Variants in STAR observed in about 807,000 individuals in gnomAD.
STAR encodes the protein steroidogenic acute regulatory protein, mitochondrial.
Under a neutral mutation model 32.3 loss-of-function variants are expected in STAR, and 32 were observed. The ratio of observed to expected loss-of-function variants is 0.99; its 90% CI spans 0.75 to 1.33. The LOEUF is 1.33. STAR is among the 40% of genes most tolerant of loss of function. STAR has a pLI of 0.00. For synonymous variants in STAR, 134 were observed against 140.5 expected (o/e 0.95, Z 0.33); for missense variants, 375 against 379.0 (o/e 0.99, Z 0.09).
At position 38,144,265 on chromosome 8, in the gene STAR, G is replaced by T; in HGVS notation, c.*8C>A. 6.2e-7 allele frequency: 1 copy of T among 1,604,654 alleles called. No individual in the cohort carries two copies. On this transcript the variant is annotated 3_prime_UTR_variant, in exon 7 of 7. Coordinates refer to ENST00000276449, the MANE Select transcript of STAR (RefSeq NM_000349.3). ...AGCTGGGCACAGTTGGGAACAGCAG[G>T]CTGGTCTTCAACACCTGGCTTCAGA...
At chr8:38,145,173 T>A in intron 6 of STAR, 49 bp downstream of exon 6, 2 of 1,613,328 alleles carry the variant, frequency 1.2e-6, no homozygotes, top group Non-Finnish European at 1.7e-6. Flanking sequence ...GAAGAGCCTG[T>A]TTTTCTCACT....
Position 38,148,659 on chromosome 8 carries a change from G to T in STAR, c.160C>A (p.Arg54=). ...TPSTWINQVR[R]RSSLLGSRLE... Reference sequence around the variant, plus strand: ...CACTTACCGAGTAGAGAGCTCCGCCGCCGAACCTGGTTAATCCACGTGCTA... The same window carrying T: ...CACTTACCGAGTAGAGAGCTCCGCCTCCGAACCTGGTTAATCCACGTGCTA... Residue 54 remains arginine (R), a synonymous_variant, in exon 2 of 7, where the codon CGG becomes AGG. Transcript: ENST00000276449. The T allele has an allele frequency of 6.2e-7, 1 of 1,614,058 alleles. No homozygotes were observed. The highest frequency in any genetic ancestry group is 8.5e-7 in the Non-Finnish European group (1 of 1,180,016).
intron 2 of STAR, 78 bp from the exon 3 acceptor site, chr8:38,148,405 T>C (rs1046404021): frequency 6.3e-6 from 10 of 1,596,502 alleles, no homozygotes; most frequent in Non-Finnish European, 8.5e-6. Flanking sequence ...GAGCTCTGGG[T>C]CTGCTCATTG....
Position 38,146,385 on chromosome 8 carries a change from C to A in STAR, c.369G>T (p.Glu123Asp). ...VPDVGKVFRL[E>D]VVVDQPMERL... ...TCTCCATGGGCTGGTCCACCACGAC[C>A]TCCAGCCGGAACACCTTGCCCACAT... The change falls in exon 4 of 7, where the codon GAG (glutamate) becomes GAT (aspartate). Residue 123 changes from glutamate to aspartate, a missense_variant. Transcript: ENST00000276449. 1.2e-6 allele frequency: 2 copies of A among 1,614,172 alleles called. No homozygotes were observed. The highest frequency in any genetic ancestry group is 1.7e-6 in the Non-Finnish European group (2 of 1,180,048).
chr8:38,149,578 G>A (rs1241414040), intron 1 of STAR, among the ~76,000 whole-genome samples: 1 of 152,044 alleles, frequency 6.6e-6, no homozygotes, highest in Non-Finnish European at 1.5e-5. Context: ...TTGCCTGTGG[G>A]AGTCAAGTCT....
At position 38,150,858 on chromosome 8, in the gene STAR, C is replaced by T. The variant is rs1802657247; in HGVS notation, c.-40G>A. 17 of 1,599,952 alleles carry T rather than the reference C, an allele frequency of 1.1e-5. No individual in the cohort carries two copies. Among genetic ancestry groups the T allele is most frequent in the Non-Finnish European group, 1.4e-5 (17 of 1,179,680 alleles). On this transcript the variant is annotated 5_prime_UTR_variant, in exon 1 of 7. Transcript: ENST00000276449. Reference sequence around the variant, plus strand: ...TGTGGCAGTGGTGGGGTCGCTGCCGCTGCTGCTGCCGCCGCTGCTGCTGCC... The same window carrying T: ...TGTGGCAGTGGTGGGGTCGCTGCCGTTGCTGCTGCCGCCGCTGCTGCTGCC...
chr8:38,144,719 C>T (rs1802531910), intron 6 of STAR: 2 of 1,063,868 alleles, frequency 1.9e-6, no homozygotes, highest in South Asian at 1.7e-5. Flanking sequence ...TTGAACTTTG[C>T]TGTGAGACAG....
intron 6 of STAR, 37 bp from the exon 7 acceptor site, chr8:38,144,423 G>T: frequency 6.4e-7 from 1 of 1,557,856 alleles, no homozygotes; most frequent in South Asian, 1.2e-5. Context: ...CCATCTTGTG[G>T]GTTTTGGCCC....
At chr8:38,145,032 A>C in intron 6 of STAR, 190 bp downstream of exon 6, 1 of 1,407,282 alleles carries the variant, frequency 7.1e-7, no homozygotes, top group Non-Finnish European at 9.2e-7. Flanking sequence ...AAAAAAAAGA[A>C]GAGGGGGCCA....
intron 1 of STAR, 111 bp downstream of exon 1, chr8:38,150,644 T>G: frequency 6.5e-7 from 1 of 1,543,182 alleles, no homozygotes; most frequent in Non-Finnish European, 8.8e-7. Flanking sequence ...GGGAAGAAAC[T>G]TGCCCAGGTT....
chr8:38,148,134 AC>A, intron 3 of STAR, 65 bp downstream of exon 3: 1 of 1,608,812 alleles, frequency 6.2e-7, no homozygotes, highest in Non-Finnish European at 8.5e-7. Flanking sequence ...AAAAATAGTA[AC>A]CCCAGCTGGC....
At chr8:38,146,995 GTTT>G (rs1291374295) in intron 3 of STAR, among the ~76,000 whole-genome samples, 1 of 142,486 alleles carries the variant, frequency 7.0e-6, no homozygotes, top group African/African-American at 2.6e-5. Context: ...TTTTTTTCTT[GTTT>G]TTTTTTTTTG....
Position 38,144,207 on chromosome 8 carries a change from A to G in STAR, c.*66T>C, listed in dbSNP as rs765510994. 6.1e-6 allele frequency: 9 copies of G among 1,487,272 alleles called. No homozygotes were observed. In the South Asian group the frequency reaches 8.5e-5, roughly 14 times the overall value. 92.1% of individuals were successfully genotyped at this position (1,487,272 alleles called of 1,614,324 possible). A position where few individuals can be genotyped will look rare whatever the true frequency, so the allele number is the denominator to read the frequency against. Reference sequence around the variant, plus strand: ...GATCTTAGACTTGCAGGCTTCCAGTAGGGATTCTCCTGATGAGCGTGTGTA... The same window carrying G: ...GATCTTAGACTTGCAGGCTTCCAGTGGGGATTCTCCTGATGAGCGTGTGTA... On this transcript the variant is annotated 3_prime_UTR_variant, in exon 7 of 7. Transcript: ENST00000276449.
rs759275266 is a variant in STAR, at chr8:38,150,767, G to A, written c.52C>T (p.Arg18Cys). The change falls in exon 1 of 7, where the codon CGC becomes TGC. Residue 18 changes from arginine to cysteine, a missense_variant. Transcript: ENST00000276449. ...CCGCAGCGCTCACCCTTCATGTTGCGCATGTGTCTGTAGGAGCTCCCAGCG... is the reference window on the plus strand; with the variant it reads ...CCGCAGCGCTCACCCTTCATGTTGCACATGTGTCTGTAGGAGCTCCCAGCG... ...LCAGSSYRHM[R>C]NMKGLRQQAV... 1.9e-6 allele frequency: 3 copies of A among 1,607,102 alleles called. No individual in the cohort carries two copies. The highest frequency in any genetic ancestry group is 2.5e-6 in the Non-Finnish European group (3 of 1,179,992).
rs1802611489 is a variant in STAR, at chr8:38,148,333, T to C, written c.179-6A>G. The C allele has an allele frequency of 6.2e-7, 1 of 1,613,866 alleles. No individual in the cohort carries two copies. ...AGTCTCTTCCAGCCGAGAACCTGGA[T>C]ACACAGCCGAGGAGAGACAGAGCTT... is the stretch of plus-strand genomic sequence containing the variant. On this transcript the variant is annotated splice_region_variant and splice_polypyrimidine_tract_variant and intron_variant, in intron 2 of 6. Transcript: ENST00000276449.
chr8:38,148,924 T>C, intron 1 of STAR, 170 bp from the exon 2 acceptor site: 1 of 631,054 alleles, frequency 1.6e-6, no homozygotes, highest in East Asian at 2.8e-5. Flanking sequence ...GGCCCTCAAC[T>C]CCCATGGCAG....
chr8:38,148,442 AG>A, intron 2 of STAR, 115 bp from the exon 3 acceptor site: 1 of 1,537,550 alleles, frequency 6.5e-7, no homozygotes. Flanking sequence ...CTAAAGCCAT[AG>A]GGGCCAGCCT....
In STAR at chr8:38,145,202, C is replaced by G. The variant is rs1802545508; in HGVS notation, c.744+20G>C. On this transcript the variant is annotated intron_variant, in intron 6 of 6. Transcript: ENST00000276449. ...TCTCACTACCACCTGCCTTCCAGGT[C>G]CCCCTCCCATGCCCTTCACCTTGAG... 1 of 1,613,840 alleles carries G rather than the reference C, an allele frequency of 6.2e-7. No homozygotes were observed. Among genetic ancestry groups the G allele is most frequent in the African/African-American group, 1.3e-5 (1 of 74,892 alleles).
At chr8:38,145,108 G>A (rs1231037895) in intron 6 of STAR, 114 bp downstream of exon 6, 5 of 1,550,552 alleles carry the variant, frequency 3.2e-6, no homozygotes, top group Admixed American at 3.8e-5. Flanking sequence ...CTGTCTTACA[G>A]CCTGTGATTC....
Sources: gnomAD v4.1 joint callset for allele counts (sites outside exome capture counted in the v4.1 genomes callset) on GRCh38, gnomAD v4.1.1 for gene constraint, MANE v1.5 for transcripts, NCBI Gene and HGNC (gene_info 2026-07-23, HGNC 2026-07-21) for gene names.